Variants in ELOVL6 observed in about 807,000 individuals in gnomAD.
ELOVL6 encodes the protein very long chain fatty acid elongase 6.
A neutral mutation model predicts 31.7 loss-of-function variants in ELOVL6; 8 were observed. The ratio of observed to expected loss-of-function variants is 0.25; its 90% confidence interval spans 0.15 to 0.45. The LOEUF (loss-of-function observed/expected upper bound fraction) is 0.45, where lower values mean the gene tolerates loss of function less well. Ranked by LOEUF, ELOVL6 falls within the 20% of genes least tolerant of loss-of-function variation. The pLI is 1.00. For synonymous variants in ELOVL6, 101 were observed against 117.7 expected, an observed-to-expected ratio of 0.86 and a Z score of 0.92; for missense variants, 126 against 326.4, an observed-to-expected ratio of 0.39 and a Z score of 4.73.
intron 1 of ELOVL6, among the ~76,000 whole-genome samples, chr4:110,190,527 CGG>C (rs1560865194): frequency 1.3e-5 from 2 of 152,044 alleles, no homozygotes; most frequent in Non-Finnish European, 2.9e-5. Context: ...TGTTTTGAGA[CGG>C]AGTCTCACTC....
At chr4:110,178,510 G>A (rs1759179912) in intron 1 of ELOVL6, among the ~76,000 whole-genome samples, 2 of 151,672 alleles carry the variant, frequency 1.3e-5, no homozygotes, top group African/African-American at 4.8e-5. Context: ...CCAAGATCGT[G>A]CCACTGCACG....
At chr4:110,180,555 TTC>T (rs1214354564) in intron 1 of ELOVL6, among the ~76,000 whole-genome samples, 4 of 152,140 alleles carry the variant, frequency 2.6e-5, no homozygotes, top group Non-Finnish European at 5.9e-5. Context: ...AATTATTATT[TTC>T]TCTTTTTATT....
At chr4:110,073,218 T>C (rs1305655749) in intron 2 of ELOVL6, among the ~76,000 whole-genome samples, 1 of 152,164 alleles carries the variant, frequency 6.6e-6, no homozygotes, top group Non-Finnish European at 1.5e-5. Context: ...GCCAAGCTCA[T>C]AGGGCTGATA....
At position 110,049,754 on chromosome 4, in the gene ELOVL6, G is replaced by A. The variant is rs1301755764; in HGVS notation, c.*1584C>T. On this transcript the variant is annotated 3_prime_UTR_variant, in exon 4 of 4. Coordinates refer to ENST00000302274, the MANE Select transcript of ELOVL6 (RefSeq NM_024090.3). ...TTCATCTAGTTTGCCTAATCATTAAGCTACTTAACCAATTATAATACTATT... is the reference window on the plus strand; with the variant it reads ...TTCATCTAGTTTGCCTAATCATTAAACTACTTAACCAATTATAATACTATT... The A allele has an allele frequency of 6.7e-6, 1 of 149,712 alleles. No homozygotes were observed. Among genetic ancestry groups the A allele is most frequent in the African/African-American group, 2.5e-5 (1 of 40,204 alleles). 9.3% of individuals were successfully genotyped at this position (149,712 alleles called of 1,614,324 possible).
chr4:110,139,928 C>T (rs1375326372), intron 1 of ELOVL6, among the ~76,000 whole-genome samples: 1 of 152,190 alleles, frequency 6.6e-6, no homozygotes, highest in African/African-American at 2.4e-5. Flanking sequence ...GAACCTACCC[C>T]TTACACTAGT....
chr4:110,080,777 A>C (rs1269532771), intron 2 of ELOVL6, among the ~76,000 whole-genome samples: 2 of 152,142 alleles, frequency 1.3e-5, no homozygotes, highest in Non-Finnish European at 2.9e-5. Flanking sequence ...AAGGGTATTC[A>C]ATTAGGAAAA....
At chr4:110,155,187 C>T (rs1758379820) in intron 1 of ELOVL6, among the ~76,000 whole-genome samples, 1 of 151,944 alleles carries the variant, frequency 6.6e-6, no homozygotes, top group South Asian at 2.1e-4. Context: ...TACCTATTGA[C>T]CACACTCACA....
rs189544403 is a variant in ELOVL6 at position 110,077,943 on chromosome 4, C to T, written c.222-18189G>A. On this transcript the variant is annotated intron_variant, in intron 2 of 3. Transcript: ENST00000302274. ...AGGCATGAGAACTACGTGATGAATG[C>T]ACAAGCCTCAGTAGCCAATTTGATC... 3.5e-4 allele frequency among the ~76,000 whole-genome samples: 54 copies of T among 152,202 alleles called. No homozygotes were observed. The East Asian group carries it at 9.6e-3, about 27-fold the overall frequency.
chr4:110,051,876 G>T lies in ELOVL6; in HGVS notation c.374-114C>A. ...CTAGGACTGGAGAGTTACATAGACT[G>T]GATTAGAACCCTGAACTGGTACTTA... On this transcript the variant is annotated intron_variant, in intron 3 of 3. Coordinates refer to ENST00000302274, the MANE Select transcript of ELOVL6 (RefSeq NM_024090.3). The surrounding 1 kb of genome is among the most constrained non-coding windows in gnomAD (Gnocchi z 4.8). The T allele has an allele frequency of 1.2e-6, 1 of 833,590 alleles. No homozygotes were observed. Among genetic ancestry groups the T allele is most frequent in the Non-Finnish European group, 1.9e-6 (1 of 528,008 alleles). The allele number at this position is 833,590 out of a possible 1,614,324, so 51.6% of individuals were successfully genotyped here.
chr4:110,162,110 T>C (rs1758647469), intron 1 of ELOVL6, among the ~76,000 whole-genome samples: 1 of 152,212 alleles, frequency 6.6e-6, no homozygotes, highest in Non-Finnish European at 1.5e-5. Flanking sequence ...TTAAATTTTA[T>C]ACCATGCCTA....
intron 2 of ELOVL6, among the ~76,000 whole-genome samples, chr4:110,078,614 A>G (rs1008989461): frequency 9.2e-5 from 14 of 152,120 alleles, no homozygotes; most frequent in Non-Finnish European, 1.5e-4. Context: ...AGGAACAACC[A>G]GTACCAGCCA....
At chr4:110,070,282 A>G (rs1755431230) in intron 2 of ELOVL6, among the ~76,000 whole-genome samples, 1 of 152,216 alleles carries the variant, frequency 6.6e-6, no homozygotes, top group Non-Finnish European at 1.5e-5. Context: ...AGTGACCTCA[A>G]TTAAGCAGAG....
intron 2 of ELOVL6, among the ~76,000 whole-genome samples, chr4:110,097,713 A>G (rs887750226): frequency 1.3e-5 from 2 of 151,864 alleles, no homozygotes; most frequent in Non-Finnish European, 2.9e-5. Flanking sequence ...TATTATGTTT[A>G]TTATAAAACA....
chr4:110,084,448 G>GATATATCATATATGATATATCT (rs1553956196), intron 2 of ELOVL6, among the ~76,000 whole-genome samples: 1 of 32,088 alleles, frequency 3.1e-5, no homozygotes, highest in African/African-American at 2.4e-4. Context: ...ATGATATATC[G>GATATATCATATATGATATATCT]CATATATCAT....
chr4:110,188,112 C>T (rs759795342), intron 1 of ELOVL6, among the ~76,000 whole-genome samples: 1 of 152,158 alleles, frequency 6.6e-6, no homozygotes, highest in Non-Finnish European at 1.5e-5. Flanking sequence ...TTACAAGTAG[C>T]TACACTAAAA....
intron 1 of ELOVL6, among the ~76,000 whole-genome samples, chr4:110,189,613 A>AAG (rs759305516): frequency 0.033 from 3,439 of 104,700 alleles, 169 homozygotes; most frequent in Middle Eastern, 0.08. Flanking sequence ...AAAAAAAAAA[A>AAG]AGAGAGAGAG....
chr4:110,094,178 G>A (rs981751962), intron 2 of ELOVL6, among the ~76,000 whole-genome samples: 1 of 150,834 alleles, frequency 6.6e-6, no homozygotes, highest in African/African-American at 2.4e-5. Flanking sequence ...GAACCCAGGA[G>A]GTGGAGGCTG....
chr4:110,057,485 T>C (rs558938470), intron 3 of ELOVL6, among the ~76,000 whole-genome samples: 13 of 152,230 alleles, frequency 8.5e-5, no homozygotes, highest in Admixed American at 4.6e-4. Context: ...GGTTATTAAA[T>C]AGCATAAAAG....
At chr4:110,186,415 G>A (rs1216386110) in intron 1 of ELOVL6, among the ~76,000 whole-genome samples, 1 of 151,976 alleles carries the variant, frequency 6.6e-6, no homozygotes, top group East Asian at 1.9e-4. Flanking sequence ...GAAGCAGTGT[G>A]ATAGTCTTTC....
Sources: gnomAD v4.1 joint callset for allele counts (sites outside exome capture counted in the v4.1 genomes callset) on GRCh38, gnomAD v4.1.1 for gene constraint, Gnocchi (gnomAD v3.1) non-coding constraint, MANE v1.5 for transcripts, NCBI Gene and HGNC (gene_info 2026-07-23, HGNC 2026-07-21) for gene names.